DTNBP1: variants seen among roughly 807,000 people sequenced by gnomAD.
DTNBP1 encodes dystrobrevin binding protein 1, also known as dysbindin.
In DTNBP1, 35 loss-of-function variants were observed where a neutral mutation model predicts 42.8. The observed-to-expected ratio is 0.82, with a 90% confidence interval of 0.63 to 1.09. The LOEUF (loss-of-function observed/expected upper bound fraction) is 1.09. Ranked by LOEUF, DTNBP1 falls within the 50% of genes least tolerant of loss-of-function variation. The probability of loss-of-function intolerance (pLI) is 0.00; values close to 1 mark genes in which losing one functional copy is unlikely to be tolerated. For synonymous variants in DTNBP1, 171 were observed against 162.2 expected (o/e 1.05, Z -0.41); for missense variants, 457 against 424.2 (o/e 1.08, Z -0.68).
At chr6:15,588,222 C>T (rs1015315052) in intron 7 of DTNBP1, among the ~76,000 whole-genome samples, 1 of 152,206 alleles carries the variant, frequency 6.6e-6, no homozygotes, top group African/African-American at 2.4e-5. Context: ...TCTTTCCCTC[C>T]ATTCTAGCAA....
At position 15,542,381 on chromosome 6, in the gene DTNBP1, T is replaced by C. The variant is rs1174681335; in HGVS notation, c.512-8986A>G. Among the ~76,000 whole-genome samples the C allele has an allele frequency of 3.3e-5, 5 of 152,176 alleles. No individual in the cohort carries two copies. The East Asian group carries it at 9.6e-4, about 29-fold the overall frequency. ...TATGATTTGTTTTGTTTTTTGTTTT[T>C]TGTTTTTTTTAGACGGAATCTCACT... is the stretch of plus-strand genomic sequence containing the variant. On this transcript the variant is annotated intron_variant, in intron 7 of 9. Coordinates refer to ENST00000344537, the MANE Select transcript of DTNBP1 (RefSeq NM_032122.5).
intron 6 of DTNBP1, among the ~76,000 whole-genome samples, chr6:15,609,795 C>T (rs528032409): frequency 6.6e-6 from 1 of 152,234 alleles, no homozygotes; most frequent in South Asian, 2.1e-4. Context: ...AAAGTTGACT[C>T]GAAGTTATGC....
chr6:15,527,008 G>A (rs1772452598), intron 8 of DTNBP1, among the ~76,000 whole-genome samples: 2 of 152,068 alleles, frequency 1.3e-5, no homozygotes, highest in Non-Finnish European at 2.9e-5. Context: ...GACAAATATG[G>A]AGACACAGAA....
chr6:15,557,110 C>T (rs184563178), intron 7 of DTNBP1, among the ~76,000 whole-genome samples: 4 of 152,140 alleles, frequency 2.6e-5, no homozygotes, highest in Admixed American at 6.5e-5. Flanking sequence ...GGATTTTTAC[C>T]AAAAATAAAA....
chr6:15,657,752 C>T (rs1183458165), intron 1 of DTNBP1, among the ~76,000 whole-genome samples: 1 of 152,196 alleles, frequency 6.6e-6, no homozygotes, highest in Non-Finnish European at 1.5e-5. Flanking sequence ...TAGTGCCTGC[C>T]ACATAGTAAG....
chr6:15,594,622 A>G (rs1472196153), intron 6 of DTNBP1, among the ~76,000 whole-genome samples: 1 of 152,202 alleles, frequency 6.6e-6, no homozygotes, highest in African/African-American at 2.4e-5. Flanking sequence ...AAACCAGAAT[A>G]CAACAGGAAG....
chr6:15,564,784 A>C (rs1435137791), intron 7 of DTNBP1, among the ~76,000 whole-genome samples: 1 of 152,224 alleles, frequency 6.6e-6, no homozygotes, highest in Non-Finnish European at 1.5e-5. Context: ...ACATTAAAAC[A>C]GATGCTCAAC....
intron 7 of DTNBP1, among the ~76,000 whole-genome samples, chr6:15,551,301 G>A (rs1045807925): frequency 2.6e-5 from 4 of 152,152 alleles, no homozygotes; most frequent in African/African-American, 9.7e-5. Flanking sequence ...TGCTACTTCT[G>A]ATTCAAAATA....
At chr6:15,550,706 A>C (rs1352952314) in intron 7 of DTNBP1, among the ~76,000 whole-genome samples, 1 of 152,240 alleles carries the variant, frequency 6.6e-6, no homozygotes, top group African/African-American at 2.4e-5. Context: ...AATCAGTATT[A>C]TGAATAGCTG....
chr6:15,631,456 GAC>G (rs150564115), intron 4 of DTNBP1, among the ~76,000 whole-genome samples: 5,495 of 152,166 alleles, frequency 0.036, 130 homozygotes, highest in Middle Eastern at 0.11. Flanking sequence ...TCCTCTATAG[GAC>G]ACAGTCTTCA....
At chr6:15,585,274 T>C (rs923821478) in intron 7 of DTNBP1, among the ~76,000 whole-genome samples, 2 of 151,472 alleles carry the variant, frequency 1.3e-5, no homozygotes, top group African/African-American at 4.8e-5. Flanking sequence ...AAAATGAACA[T>C]ACTAGCAGCA....
intron 7 of DTNBP1, among the ~76,000 whole-genome samples, chr6:15,558,511 C>A (rs1774654245): frequency 6.6e-6 from 1 of 152,176 alleles, no homozygotes; most frequent in Non-Finnish European, 1.5e-5. Context: ...AGGTGATCCA[C>A]CCGCCTAAGC....
chr6:15,599,290 T>A (rs1352665035), intron 6 of DTNBP1, among the ~76,000 whole-genome samples: 2 of 152,196 alleles, frequency 1.3e-5, no homozygotes, highest in Non-Finnish European at 2.9e-5. Flanking sequence ...ACTTTACACA[T>A]ACTGTCTCCT....
chr6:15,616,136 C>A (rs546371774), intron 5 of DTNBP1, among the ~76,000 whole-genome samples: 1 of 152,352 alleles, frequency 6.6e-6, no homozygotes, highest in South Asian at 2.1e-4. Flanking sequence ...AAGGGCCACA[C>A]GGCCAGTGAA....
intron 1 of DTNBP1, among the ~76,000 whole-genome samples, chr6:15,656,649 G>A (rs1420659631): frequency 6.6e-6 from 1 of 152,180 alleles, no homozygotes; most frequent in Non-Finnish European, 1.5e-5. Context: ...TTGGAAGGCT[G>A]AGGTGGGTGG....
rs1772023570 is a variant in DTNBP1, at chr6:15,523,117, G to GA, written c.913dup (p.Ser305PhefsTer8). On this transcript the variant is annotated frameshift_variant, in exon 10 of 10. Transcript: ENST00000344537. LOFTEE classifies it low-confidence loss of function (END_TRUNC). ...ACCCTCACTGATGTCCCGGGTGGCCGAGTCGGTGCAGGTGGAGGAAGAAGA... is the reference window on the plus strand; with the variant it reads ...ACCCTCACTGATGTCCCGGGTGGCCGAAGTCGGTGCAGGTGGAGGAAGAAGA... The GA allele has an allele frequency of 6.2e-7, 1 of 1,614,128 alleles. No individual in the cohort carries two copies. Among genetic ancestry groups the GA allele is most frequent in the African/African-American group, 1.3e-5 (1 of 74,954 alleles).
intron 7 of DTNBP1, among the ~76,000 whole-genome samples, chr6:15,573,776 C>T (rs1049405823): frequency 1.3e-5 from 2 of 152,110 alleles, no homozygotes; most frequent in East Asian, 1.9e-4. Context: ...GGTGCGATCT[C>T]GGCTGACTGC....
chr6:15,530,668 C>T (rs957474516), intron 8 of DTNBP1, among the ~76,000 whole-genome samples: 3 of 152,188 alleles, frequency 2.0e-5, no homozygotes, highest in Admixed American at 1.3e-4. Flanking sequence ...ATCATCCTCT[C>T]GGGGGTGCAT....
At chr6:15,585,648 T>C in intron 7 of DTNBP1, 2 of 1,497,414 alleles carry the variant, frequency 1.3e-6, no homozygotes, top group Non-Finnish European at 1.8e-6. Flanking sequence ...TACAGCAATG[T>C]ATCCAGGCAT....
Sources: gnomAD v4.1 joint callset for allele counts (sites outside exome capture counted in the v4.1 genomes callset) on GRCh38, gnomAD v4.1.1 for gene constraint, MANE v1.5 for transcripts, NCBI Gene and HGNC (gene_info 2026-07-23, HGNC 2026-07-21) for gene names.